LRRCC1: variants seen among roughly 807,000 people sequenced by gnomAD.
LRRCC1 encodes leucine rich repeat and coiled-coil centrosomal protein 1, also known as leucine-rich repeat and coiled-coil domain-containing protein 1.
In LRRCC1, 115 loss-of-function variants were observed where a neutral mutation model predicts 126.0. The ratio of observed to expected loss-of-function variants is 0.91; its 90% CI spans 0.78 to 1.07. LRRCC1 has a LOEUF of 1.07. Ranked by LOEUF, LRRCC1 falls within the 50% of genes least tolerant of loss-of-function variation. LRRCC1 has a pLI of 0.00. For synonymous variants in LRRCC1, 400 were observed against 393.4 expected, an observed-to-expected ratio of 1.02 and a Z score of -0.20; for missense variants, 1,172 against 1,175.7, an observed-to-expected ratio of 1.00 and a Z score of 0.05.
At chr8:85,132,021 G>C in intron 12 of LRRCC1, 60 bp downstream of exon 12, 1 of 1,397,156 alleles carries the variant, frequency 7.2e-7, no homozygotes, top group Non-Finnish European at 9.8e-7. Flanking sequence ...GGTTTGATGA[G>C]AGGACTTGTT....
Position 85,107,539 on chromosome 8 carries a change from C to G in LRRCC1, c.104+140C>G, listed in dbSNP as rs569190359. ...TGAACGCAGTCTGGCTTTCGGCCTC[C>G]CCGCTCCTCCAAAACTTACCTGCCG... On this transcript the variant is annotated intron_variant, in intron 1 of 18. Coordinates refer to ENST00000360375, the MANE Select transcript of LRRCC1 (RefSeq NM_033402.5). 22 of 685,422 alleles carry G rather than the reference C, an allele frequency of 3.2e-5. No individual in the cohort carries two copies. The African/African-American group carries it at 3.8e-4, about 12-fold the overall frequency. 42.5% of individuals were successfully genotyped at this position (685,422 alleles called of 1,614,324 possible).
intron 6 of LRRCC1, among the ~76,000 whole-genome samples, chr8:85,120,137 T>C (rs1809428270): frequency 6.6e-6 from 1 of 152,236 alleles, no homozygotes; most frequent in South Asian, 2.1e-4. Context: ...GAGTTTTTTT[T>C]TATAGCCTGG....
In LRRCC1 at chr8:85,134,964, G is replaced by A; in HGVS notation, c.2086G>A (p.Val696Ile). 1 of 1,568,994 alleles carries A rather than the reference G, an allele frequency of 6.4e-7. No homozygotes were observed. ...TTTAATTAAAGATCTGACCTGTATGGTAAAGGAACAAAAAACAAAACTGGC... is the reference window on the plus strand; with the variant it reads ...TTTAATTAAAGATCTGACCTGTATGATAAAGGAACAAAAAACAAAACTGGC... ...SSLIKDLTCMVKEQKTKLAEV... is the reference protein window; with the variant it reads ...SSLIKDLTCMIKEQKTKLAEV... The change falls in exon 13 of 19, where the codon GTA becomes ATA. Residue 696 changes from valine (V) to isoleucine (I), a missense_variant. Coordinates refer to ENST00000360375, the MANE Select transcript of LRRCC1 (RefSeq NM_033402.5).
Position 85,138,141 on chromosome 8 carries a change from A to T in LRRCC1, c.2600A>T (p.Glu867Val). Reference sequence around the variant, plus strand: ...GATGAAAAATCTTCACAACTGGATGAGGTACTTGAGAAGTTGGAAAGGCAC... The same window carrying T: ...GATGAAAAATCTTCACAACTGGATGTGGTACTTGAGAAGTTGGAAAGGCAC... ...QLDEKSSQLD[E>V]VLEKLERHNE... The change falls in exon 16 of 19, where the codon GAG (glutamate) becomes GTG (valine). Residue 867 changes from glutamate (E) to valine (V), a missense_variant. Glu to Val is a moderately radical substitution (Grantham distance 121). Transcript: ENST00000360375. The T allele has an allele frequency of 6.2e-7, 1 of 1,609,802 alleles. No individual in the cohort carries two copies. Among genetic ancestry groups the T allele is most frequent in the Non-Finnish European group, 8.5e-7 (1 of 1,177,228 alleles).
At chr8:85,112,134 T>C (rs940421272) in intron 3 of LRRCC1, among the ~76,000 whole-genome samples, 1 of 152,178 alleles carries the variant, frequency 6.6e-6, no homozygotes, top group Non-Finnish European at 1.5e-5. Context: ...AGTGCTGAGA[T>C]TACAGTCTTG....
chr8:85,138,020 A>C lies in LRRCC1; in HGVS notation c.2494-15A>C, dbSNP rs548065541. On this transcript the variant is annotated splice_polypyrimidine_tract_variant and intron_variant, in intron 15 of 18. Transcript: ENST00000360375. ...TAAAGTTAATAAAAACAAAGTGCCA[A>C]TTTTTTTCTTAAAGTGTTTACAAGA... 86 of 1,435,590 alleles carry C rather than the reference A, an allele frequency of 6.0e-5. No homozygotes were observed. In the South Asian group the frequency reaches 1.1e-3, roughly 18 times the overall value. 88.9% of individuals were successfully genotyped at this position (1,435,590 alleles called of 1,614,324 possible). A position where few individuals can be genotyped will look rare whatever the true frequency, so the allele number is the denominator to read the frequency against.
chr8:85,129,054 A>G, intron 9 of LRRCC1, 121 bp from the exon 10 acceptor site: 3 of 742,330 alleles, frequency 4.0e-6, no homozygotes, highest in Non-Finnish European at 4.6e-6. Flanking sequence ...TAGCATATCA[A>G]ACAGGAGTTG....
intron 10 of LRRCC1, 66 bp from the exon 11 acceptor site, chr8:85,129,853 A>G: frequency 8.1e-7 from 1 of 1,238,830 alleles, no homozygotes; most frequent in Non-Finnish European, 1.1e-6. Context: ...GTACTTATGG[A>G]AACTGACATT....
chr8:85,134,833 AT>A lies in LRRCC1; in HGVS notation c.1969-10del. 1 of 1,536,382 alleles carries A rather than the reference AT, an allele frequency of 6.5e-7. No homozygotes were observed. The highest frequency in any genetic ancestry group is 8.7e-7 in the Non-Finnish European group (1 of 1,144,230). ...TTGGAGAACTGCTATTTATAATACA[AT>A]TTTGGAATATAGGTTAAAGATGGTT... On this transcript the variant is annotated splice_polypyrimidine_tract_variant and intron_variant, in intron 12 of 18. Transcript: ENST00000360375.
chr8:85,127,870 C>T (rs940183504), intron 9 of LRRCC1, among the ~76,000 whole-genome samples: 4 of 152,198 alleles, frequency 2.6e-5, no homozygotes, highest in African/African-American at 9.7e-5. Flanking sequence ...TGAATTGACA[C>T]AAGAAGCTAC....
intron 1 of LRRCC1, among the ~76,000 whole-genome samples, chr8:85,107,953 T>C (rs1484859717): frequency 6.6e-6 from 1 of 152,244 alleles, no homozygotes; most frequent in African/African-American, 2.4e-5. Flanking sequence ...CTAAACTTAC[T>C]ATATTTAGTT....
At chr8:85,140,481 A>G (rs966536111) in intron 17 of LRRCC1, among the ~76,000 whole-genome samples, 77 of 152,314 alleles carry the variant, frequency 5.1e-4, no homozygotes, top group African/African-American at 1.7e-3. Context: ...ATCTGTTATT[A>G]CTGATTGCTG....
At chr8:85,130,661 G>T (rs1343591739) in intron 11 of LRRCC1, among the ~76,000 whole-genome samples, 2 of 152,108 alleles carry the variant, frequency 1.3e-5, no homozygotes, top group Non-Finnish European at 2.9e-5. Context: ...CCAAAAGTTG[G>T]TCTTTATATA....
rs568798157 is a variant in LRRCC1, at chr8:85,124,204, A to G, written c.1125-588A>G. Among the ~76,000 whole-genome samples, 5 of 152,320 alleles carry G rather than the reference A, an allele frequency of 3.3e-5. No individual in the cohort carries two copies. In the South Asian group the frequency reaches 1.0e-3, roughly 32 times the overall value. Reference sequence around the variant, plus strand: ...CAGAAATGACTACTCTGGGATGGTTACAGTAAACTTTTGCCTCTGTAATTC... The same window carrying G: ...CAGAAATGACTACTCTGGGATGGTTGCAGTAAACTTTTGCCTCTGTAATTC... On this transcript the variant is annotated intron_variant, in intron 7 of 18. Transcript: ENST00000360375.
At chr8:85,145,249 A>G (rs1811593603) in intron 18 of LRRCC1, 140 bp from the exon 19 acceptor site, 1 of 601,784 alleles carries the variant, frequency 1.7e-6, no homozygotes, top group Non-Finnish European at 2.7e-6. Context: ...TGAGCAAGTT[A>G]CATTTTACTG....
At position 85,129,983 on chromosome 8, in the gene LRRCC1, G is replaced by T; in HGVS notation, c.1691G>T (p.Arg564Ile). ...GCCGATAGAGAAATATACTTACTTA[G>T]AACTTCCCTTCATCGAGAAAGAGAA... is the stretch of plus-strand genomic sequence containing the variant. Reference protein sequence around the residue: ...SAADREIYLLRTSLHREREQA... With the variant: ...SAADREIYLLITSLHREREQA... Residue 564 changes from arginine to isoleucine, a missense_variant, in exon 11 of 19, where the codon AGA becomes ATA. By Grantham distance (97) the Arg-to-Ile change is moderately conservative. Coordinates refer to ENST00000360375, the MANE Select transcript of LRRCC1 (RefSeq NM_033402.5). 3 of 1,604,460 alleles carry T rather than the reference G, an allele frequency of 1.9e-6. No individual in the cohort carries two copies. Among genetic ancestry groups the T allele is most frequent in the Non-Finnish European group, 2.6e-6 (3 of 1,176,428 alleles).
chr8:85,115,523 A>G lies in LRRCC1; in HGVS notation c.869A>G (p.Asp290Gly), dbSNP rs1168037652. ...SEPEKNNHEN[D>G]LQNEIKLQKL... ...CCAGAGAAAAATAATCATGAAAACG[A>G]TTTGCAGAATGAGATAAAACTTCAG... The change falls in exon 6 of 19, where the codon GAT becomes GGT. Residue 290 changes from aspartate to glycine, a missense_variant. Transcript: ENST00000360375. The G allele has an allele frequency of 6.2e-7, 1 of 1,613,650 alleles. No homozygotes were observed. Among genetic ancestry groups the G allele is most frequent in the Admixed American group, 1.7e-5 (1 of 59,936 alleles).
rs765647696 is a variant in LRRCC1 at position 85,131,742 on chromosome 8, A to G, written c.1767-18A>G. On this transcript the variant is annotated intron_variant, in intron 11 of 18. Coordinates refer to ENST00000360375, the MANE Select transcript of LRRCC1 (RefSeq NM_033402.5). ...AGGTGAGTATCATCCTTTTATCTTT[A>G]TATGTTTTTCACTCCAGGAAGGAAC... 6.3e-7 allele frequency: 1 copy of G among 1,587,794 alleles called. No individual in the cohort carries two copies. Among genetic ancestry groups the G allele is most frequent in the Non-Finnish European group, 8.6e-7 (1 of 1,165,358 alleles).
At chr8:85,139,095 G>T (rs1021589178) in intron 17 of LRRCC1, among the ~76,000 whole-genome samples, 1 of 152,026 alleles carries the variant, frequency 6.6e-6, no homozygotes, top group East Asian at 1.9e-4. Flanking sequence ...TTTTTATTAC[G>T]ATGAGCATTT....
Sources: gnomAD v4.1 joint callset for allele counts (sites outside exome capture counted in the v4.1 genomes callset) on GRCh38, gnomAD v4.1.1 for gene constraint, MANE v1.5 for transcripts, NCBI Gene and HGNC (gene_info 2026-07-23, HGNC 2026-07-21) for gene names.